Variants in KAT6B observed in about 807,000 individuals in gnomAD.
The protein encoded by KAT6B is lysine acetyltransferase 6B.
Under a neutral mutation model 187.5 loss-of-function variants are expected in KAT6B, and 10 were observed. That is an observed-to-expected ratio of 0.05 (90% CI 0.03 to 0.09). The LOEUF (loss-of-function observed/expected upper bound fraction) is 0.09. Among genes scored for constraint, KAT6B ranks in the 10% least tolerant of loss-of-function variants. KAT6B has a pLI of 1.00. For synonymous variants in KAT6B, 861 were observed against 926.8 expected (o/e 0.93, Z 1.29); for missense variants, 1,952 against 2,558.9 (o/e 0.76, Z 5.12).
intron 3 of KAT6B, among the ~76,000 whole-genome samples, chr10:74,849,173 G>C (rs982729293): frequency 6.6e-6 from 1 of 152,126 alleles, no homozygotes; most frequent in East Asian, 1.9e-4. Context: ...TAGAGATGGG[G>C]TTTCATTAAT....
intron 12 of KAT6B, among the ~76,000 whole-genome samples, chr10:74,985,834 C>T (rs764729936): frequency 1.1e-4 from 16 of 152,040 alleles, no homozygotes; most frequent in Non-Finnish European, 1.9e-4. Context: ...ATCATGAGGT[C>T]GAGAGATAGA....
intron 2 of KAT6B, among the ~76,000 whole-genome samples, chr10:74,842,088 G>A (rs1740310797): frequency 6.6e-6 from 1 of 152,174 alleles, no homozygotes; most frequent in Non-Finnish European, 1.5e-5. Context: ...TTAAAGGGAT[G>A]GGGATGTGAT....
chr10:74,938,892 A>G (rs1196036750), intron 3 of KAT6B, among the ~76,000 whole-genome samples: 1 of 152,036 alleles, frequency 6.6e-6, no homozygotes, highest in African/African-American at 2.4e-5. Context: ...GCCCGCCTCT[A>G]TACCTGGCTA....
intron 13 of KAT6B, among the ~76,000 whole-genome samples, chr10:75,019,977 A>G (rs1845270774): frequency 6.6e-6 from 1 of 152,164 alleles, no homozygotes. Context: ...AGAGGTGAAA[A>G]TGGAGCTAGT....
chr10:74,959,913 T>C, intron 3 of KAT6B, 57 bp from the exon 4 acceptor site: 1 of 1,159,294 alleles, frequency 8.6e-7, no homozygotes, highest in South Asian at 1.2e-5. Flanking sequence ...TTGATTTTAA[T>C]GTTTTTACTT....
At chr10:74,829,352 G>C (rs374357272) in intron 1 of KAT6B, among the ~76,000 whole-genome samples, 1 of 152,122 alleles carries the variant, frequency 6.6e-6, no homozygotes. Flanking sequence ...AGTAAAAGAC[G>C]TAACTAAGTG....
chr10:75,026,628 GTTT>G (rs1004678284), intron 17 of KAT6B, among the ~76,000 whole-genome samples: 1 of 145,410 alleles, frequency 6.9e-6, no homozygotes, highest in Admixed American at 6.9e-5. Context: ...TATTCTTTGG[GTTT>G]TTTTTTTTTA....
At chr10:74,870,619 G>C (rs948734660) in intron 3 of KAT6B, among the ~76,000 whole-genome samples, 8 of 152,004 alleles carry the variant, frequency 5.3e-5, no homozygotes, top group Admixed American at 1.3e-4. Flanking sequence ...TGCTCTTGCT[G>C]TCCAGGCTGG....
intron 13 of KAT6B, among the ~76,000 whole-genome samples, chr10:75,005,530 ACT>A (rs1182578694): frequency 6.6e-6 from 1 of 152,016 alleles, no homozygotes; most frequent in African/African-American, 2.4e-5. Context: ...AAACAACACA[ACT>A]ATAACTTCAG....
At chr10:74,939,708 T>A (rs964347311) in intron 3 of KAT6B, among the ~76,000 whole-genome samples, 6 of 152,210 alleles carry the variant, frequency 3.9e-5, no homozygotes, top group Non-Finnish European at 5.9e-5. Context: ...TGGAGTCTAT[T>A]TTTTAAAGTT....
chr10:74,919,449 G>A (rs1260596300), intron 3 of KAT6B, among the ~76,000 whole-genome samples: 1 of 151,920 alleles, frequency 6.6e-6, no homozygotes, highest in East Asian at 1.9e-4. Context: ...ATCCAGGCTG[G>A]AGTGCAGTGG....
chr10:74,966,074 C>G (rs187855763), intron 4 of KAT6B, among the ~76,000 whole-genome samples: 1 of 152,094 alleles, frequency 6.6e-6, no homozygotes, highest in South Asian at 2.1e-4. Flanking sequence ...TTGACAGGAC[C>G]GAGATCCTGG....
At chr10:74,902,149 T>A (rs571426113) in intron 3 of KAT6B, among the ~76,000 whole-genome samples, 104 of 152,204 alleles carry the variant, frequency 6.8e-4, no homozygotes, top group Non-Finnish European at 3.2e-4. Flanking sequence ...CTCTAGCCCA[T>A]AGCTCCTCTT....
At chr10:74,934,855 T>G (rs963146416) in intron 3 of KAT6B, among the ~76,000 whole-genome samples, 1 of 152,226 alleles carries the variant, frequency 6.6e-6, no homozygotes, top group Non-Finnish European at 1.5e-5. Context: ...AGCTTCTTCC[T>G]CTAACATCCA....
At chr10:74,880,066 TA>T (rs920343599) in intron 3 of KAT6B, among the ~76,000 whole-genome samples, 13 of 151,196 alleles carry the variant, frequency 8.6e-5, no homozygotes, top group East Asian at 3.9e-4. Flanking sequence ...AAAGGTAGAT[TA>T]AAAAAAAAGA....
intron 13 of KAT6B, among the ~76,000 whole-genome samples, chr10:75,008,133 G>A (rs1844351890): frequency 1.3e-5 from 2 of 152,194 alleles, no homozygotes; most frequent in African/African-American, 4.8e-5. Context: ...TGAAATGGAG[G>A]ATTCGGACAA....
At chr10:74,911,170 A>G (rs1395323135) in intron 3 of KAT6B, among the ~76,000 whole-genome samples, 3 of 151,954 alleles carry the variant, frequency 2.0e-5, no homozygotes, top group Non-Finnish European at 2.9e-5. Context: ...GACAGCATAT[A>G]TATGCATGTG....
intron 3 of KAT6B, among the ~76,000 whole-genome samples, chr10:74,868,020 A>G (rs1318057793): frequency 1.3e-5 from 2 of 152,240 alleles, no homozygotes; most frequent in African/African-American, 4.8e-5. Context: ...AAGTTGAAGA[A>G]AATACACTTT....
chr10:74,880,028 C>A lies in KAT6B; in HGVS notation c.621+36550C>A, dbSNP rs1844735223. On this transcript the variant is annotated intron_variant, in intron 3 of 17. Transcript: ENST00000287239. ...CTCTAGCCTGGGCGACAGAGTGAGA[C>A]TCCATCTCAAAAAATAATAATAAAA... Among the ~76,000 whole-genome samples the A allele has an allele frequency of 3.3e-5, 5 of 152,036 alleles. No homozygotes were observed. In the South Asian group the frequency reaches 1.0e-3, roughly 32 times the overall value.
Sources: allele counts gnomAD v4.1 joint callset (sites outside exome capture counted in the v4.1 genomes callset), GRCh38; gene constraint gnomAD v4.1.1; transcripts MANE v1.5; gene names NCBI Gene and HGNC (gene_info 2026-07-23, HGNC 2026-07-21).